The following PDE1C variants were observed in gnomAD, a reference collection of about 807,000 sequenced individuals.
PDE1C encodes the protein dual specificity calcium/calmodulin-dependent 3',5'-cyclic nucleotide phosphodiesterase 1C.
A neutral mutation model predicts 93.1 loss-of-function variants in PDE1C; 62 were observed. The observed-to-expected ratio is 0.67, with a 90% CI of 0.54 to 0.82. The LOEUF is 0.82. PDE1C is among the 40% of genes least tolerant of loss of function. PDE1C has a pLI of 0.00. For synonymous variants in PDE1C, 325 were observed against 310.1 expected (o/e 1.05, Z -0.50); for missense variants, 742 against 884.6 (o/e 0.84, Z 2.04).
At chr7:32,091,086 C>G (rs1392398512) in intron 3 of PDE1C, among the ~76,000 whole-genome samples, 1 of 152,186 alleles carries the variant, frequency 6.6e-6, no homozygotes, top group African/African-American at 2.4e-5. Flanking sequence ...AGGACTGTGC[C>G]TTTCATATTC....
chr7:32,093,949 A>G (rs769334848), intron 3 of PDE1C, among the ~76,000 whole-genome samples: 17 of 152,212 alleles, frequency 1.1e-4, no homozygotes, highest in Non-Finnish European at 1.8e-4. Context: ...TCTCAGGGAT[A>G]ATACCCAAAA....
chr7:32,407,574 G>C (rs1483583603), intron 1 of PDE1C, among the ~76,000 whole-genome samples: 2 of 152,178 alleles, frequency 1.3e-5, no homozygotes, highest in Non-Finnish European at 2.9e-5. Context: ...CAAGCTCACA[G>C]AGAGAGGGGT....
intron 3 of PDE1C, among the ~76,000 whole-genome samples, chr7:32,098,047 G>A (rs1481264969): frequency 3.3e-5 from 5 of 149,990 alleles, no homozygotes; most frequent in East Asian, 2.0e-4. Context: ...TGGCTAACAC[G>A]GTGAAACCCC....
At chr7:31,760,261 T>A (rs886337160) in intron 17 of PDE1C, among the ~76,000 whole-genome samples, 1 of 152,346 alleles carries the variant, frequency 6.6e-6, no homozygotes, top group South Asian at 2.1e-4. Context: ...CTCCTTTTTA[T>A]CAAGGACATC....
chr7:31,895,949 T>C (rs1398814306), intron 2 of PDE1C, among the ~76,000 whole-genome samples: 1 of 151,814 alleles, frequency 6.6e-6, no homozygotes, highest in Admixed American at 6.6e-5. Flanking sequence ...GTGTCAGCTA[T>C]ATATTTATTA....
chr7:31,976,250 A>T (rs1811648243), intron 2 of PDE1C, among the ~76,000 whole-genome samples: 1 of 152,228 alleles, frequency 6.6e-6, no homozygotes, highest in African/African-American at 2.4e-5. Flanking sequence ...GGGTAAGAAG[A>T]AATGTATTCA....
rs1181859087 is a variant in PDE1C, at chr7:32,052,152, CA to C, written c.102-573del. ...ACTATGAGATGAGACATAAGGTCTT[CA>C]AAAAAAGAAGAAGTGAGGAAGGGGA... On this transcript the variant is annotated intron_variant, in intron 1 of 17. Transcript: ENST00000396191. Among the ~76,000 whole-genome samples the C allele has an allele frequency of 3.3e-5, 5 of 151,728 alleles. No individual in the cohort carries two copies. In the East Asian group the frequency reaches 7.7e-4, roughly 23 times the overall value.
chr7:32,382,683 C>A (rs2128090603), intron 1 of PDE1C, among the ~76,000 whole-genome samples: 1 of 152,370 alleles, frequency 6.6e-6, no homozygotes, highest in Non-Finnish European at 1.5e-5. Context: ...GTTCCTAAGT[C>A]ATTTTCAGTG....
chr7:32,006,977 T>C (rs764370877), intron 2 of PDE1C, among the ~76,000 whole-genome samples: 1 of 152,150 alleles, frequency 6.6e-6, no homozygotes, highest in Non-Finnish European at 1.5e-5. Context: ...ACTCCCTACC[T>C]CCCCCGTTAC....
intron 2 of PDE1C, among the ~76,000 whole-genome samples, chr7:31,985,125 G>A (rs1783199819): frequency 6.6e-6 from 1 of 152,174 alleles, no homozygotes; most frequent in Admixed American, 6.5e-5. Context: ...TGCATACCAT[G>A]AAAGGTTTAT....
intron 2 of PDE1C, among the ~76,000 whole-genome samples, chr7:31,988,995 CAAAAAAAAAAAAAAA>C (rs36081234): frequency 2.0e-4 from 7 of 34,172 alleles, no homozygotes; most frequent in South Asian, 4.0e-3. Flanking sequence ...AACTTCTTCT[CAAAAAAAAAAAAAAA>C]AAAAAAAAGA....
At chr7:31,836,325 G>C (rs1270481706) in intron 11 of PDE1C, among the ~76,000 whole-genome samples, 1 of 146,400 alleles carries the variant, frequency 6.8e-6, no homozygotes, top group Non-Finnish European at 1.5e-5. Flanking sequence ...AATAATTAAA[G>C]ATCCTGCCTG....
chr7:31,697,240 C>A, the PDE1C span: 1 of 1,241,044 alleles, frequency 8.1e-7, no homozygotes, highest in Non-Finnish European at 1.1e-6. Context: ...TCCTGAAGTG[C>A]TCTGGGGAGA....
chr7:31,717,810 A>T, the PDE1C span, among the ~76,000 whole-genome samples: 11 of 152,148 alleles, frequency 7.2e-5, no homozygotes, highest in Non-Finnish European at 1.5e-4. Context: ...GTCTATTTCT[A>T]CTATTTTAAA....
chr7:31,697,334 A>T, the PDE1C span, among the ~76,000 whole-genome samples: 1 of 152,218 alleles, frequency 6.6e-6, no homozygotes, highest in Non-Finnish European at 1.5e-5. Flanking sequence ...GGGTCAGAGC[A>T]TTACTCATGC....
intron 3 of PDE1C, among the ~76,000 whole-genome samples, chr7:32,124,787 A>G (rs1799482069): frequency 6.6e-6 from 1 of 152,222 alleles, no homozygotes; most frequent in Non-Finnish European, 1.5e-5. Context: ...AGAAAACCTC[A>G]ATACCATTCA....
At chr7:31,771,705 G>A (rs776668614) in intron 17 of PDE1C, among the ~76,000 whole-genome samples, 7 of 152,046 alleles carry the variant, frequency 4.6e-5, no homozygotes, top group Non-Finnish European at 7.4e-5. Flanking sequence ...GTATTCATGT[G>A]TCTTTTGATG....
At chr7:32,112,429 A>T in intron 3 of PDE1C, among the ~76,000 whole-genome samples, 1 of 151,990 alleles carries the variant, frequency 6.6e-6, no homozygotes, top group East Asian at 1.9e-4. Context: ...TCCCTTCCTG[A>T]CCAATTTTAA....
chr7:32,152,143 G>A (rs1446072435), intron 3 of PDE1C, among the ~76,000 whole-genome samples: 2 of 152,156 alleles, frequency 1.3e-5, no homozygotes, highest in Non-Finnish European at 2.9e-5. Flanking sequence ...AGTAGGGCAT[G>A]ACTCCATTCT....
Sources: allele counts gnomAD v4.1 joint callset (sites outside exome capture counted in the v4.1 genomes callset), GRCh38; gene constraint gnomAD v4.1.1; transcripts MANE v1.5; gene names NCBI Gene and HGNC (gene_info 2026-07-23, HGNC 2026-07-21).